Variants in INPP5A observed in about 807,000 individuals in gnomAD.
INPP5A encodes the protein 43 kDa inositol polyphosphate 5-phophatase.
A neutral mutation model predicts 65.2 loss-of-function variants in INPP5A; 14 were observed. That is an observed-to-expected ratio of 0.21 (90% CI 0.14 to 0.34). The LOEUF (loss-of-function observed/expected upper bound fraction) is 0.34, where lower values mean the gene tolerates loss of function less well. Ranked by LOEUF, INPP5A falls within the 10% of genes least tolerant of loss-of-function variation. The probability of loss-of-function intolerance (pLI) is 1.00; values close to 1 mark genes in which losing one functional copy is unlikely to be tolerated. For missense variants in INPP5A, 431 were observed against 545.6 expected (o/e 0.79, Z 2.09); for synonymous variants, 207 against 208.3 (o/e 0.99, Z 0.05).
intron 4 of INPP5A, among the ~76,000 whole-genome samples, chr10:132,660,083 G>A (rs1013506283): frequency 5.3e-5 from 8 of 152,228 alleles, no homozygotes; most frequent in African/African-American, 1.7e-4. Context: ...CTGCCAATGC[G>A]TGACACACGG....
intron 2 of INPP5A, among the ~76,000 whole-genome samples, chr10:132,613,042 A>G (rs887647921): frequency 1.3e-5 from 2 of 152,236 alleles, no homozygotes; most frequent in African/African-American, 4.8e-5. Flanking sequence ...CCAACTTGAC[A>G]GACCTCAGAT....
intron 12 of INPP5A, among the ~76,000 whole-genome samples, chr10:132,770,361 G>T (rs1006828526): frequency 5.9e-5 from 9 of 152,260 alleles, no homozygotes; most frequent in African/African-American, 1.9e-4. Flanking sequence ...TTTCCTCGCG[G>T]AGGCCGTGGT....
At position 132,683,072 on chromosome 10, in the gene INPP5A, G is replaced by A. The variant is rs141216358; in HGVS notation, c.307-7320G>A. Among the ~76,000 whole-genome samples, 361 of 139,578 alleles carry A rather than the reference G, an allele frequency of 2.6e-3. 4 individuals are homozygous for A. Among genetic ancestry groups the A allele is most frequent in the African/African-American group, 8.2e-3 (305 of 37,196 alleles). The allele number at this position is 139,578 out of a possible 152,430, so 91.6% of individuals were successfully genotyped here. ...ATCTGTGTATTATATACATATGTAC[G>A]CACATTTAATCCACGTGCACACGTG... On this transcript the variant is annotated intron_variant, in intron 4 of 15. Transcript: ENST00000368594.
At chr10:132,710,895 C>A (rs1248293853) in intron 8 of INPP5A, among the ~76,000 whole-genome samples, 1 of 152,076 alleles carries the variant, frequency 6.6e-6, no homozygotes, top group Admixed American at 6.5e-5. Flanking sequence ...GGTGTGTCCA[C>A]TCACCCTGTT....
Position 132,651,723 on chromosome 10 carries a change from C to T in INPP5A, c.306+1218C>T. The stretch of plus-strand genomic sequence containing the variant: ...TGCCCTGCAGGTGGGACTCTCATTG[C>T]TGTTTGGGTTCAAGGGCCATCTCAC... On this transcript the variant is annotated intron_variant, in intron 4 of 15. Transcript: ENST00000368594. This position sits in a 1 kb window ranked among gnomAD's most constrained non-coding sequence, Gnocchi z 5.0. Among the ~76,000 whole-genome samples the T allele has an allele frequency of 6.6e-6, 1 of 152,240 alleles. No individual in the cohort carries two copies. The highest frequency in any genetic ancestry group is 1.9e-4 in the East Asian group (1 of 5,198).
At chr10:132,729,775 C>T (rs553573237) in intron 9 of INPP5A, among the ~76,000 whole-genome samples, 1 of 152,332 alleles carries the variant, frequency 6.6e-6, no homozygotes, top group African/African-American at 2.4e-5. Flanking sequence ...TCCACGGCAG[C>T]CTTCATGCTT....
In INPP5A at chr10:132,691,186, C is replaced by T. The variant is rs146955137; in HGVS notation, c.370+731C>T. The stretch of plus-strand genomic sequence containing the variant: ...ACGGAGCGGCTCCTGTGAAATTGCG[C>T]GGTAGTCTTATCTCAGTTGCTTGAG... On this transcript the variant is annotated intron_variant, in intron 5 of 15. Coordinates refer to ENST00000368594, the MANE Select transcript of INPP5A (RefSeq NM_005539.5). Among the ~76,000 whole-genome samples, 433 of 152,248 alleles carry T rather than the reference C, an allele frequency of 2.8e-3. 3 individuals carry two copies. Among genetic ancestry groups the T allele is most frequent in the Middle Eastern group, 0.021 (6 of 292 alleles).
intron 1 of INPP5A, among the ~76,000 whole-genome samples, chr10:132,585,940 G>C (rs2071539891): frequency 1.3e-5 from 2 of 152,232 alleles, no homozygotes; most frequent in Non-Finnish European, 2.9e-5. Context: ...GGTGCTGTGT[G>C]TGTCTGGGCT....
chr10:132,688,826 G>GTA (rs1845199088), intron 4 of INPP5A, among the ~76,000 whole-genome samples: 1 of 440 alleles, frequency 2.3e-3, no homozygotes, highest in African/African-American at 8.3e-3. Context: ...GCATGACTGA[G>GTA]TGCAAGTGTA....
intron 4 of INPP5A, among the ~76,000 whole-genome samples, chr10:132,688,381 G>T (rs1845177519): frequency 6.6e-6 from 1 of 152,230 alleles, no homozygotes; most frequent in Non-Finnish European, 1.5e-5. Flanking sequence ...GGGAGCAGCA[G>T]TTCCCTGGGA....
intron 1 of INPP5A, among the ~76,000 whole-genome samples, chr10:132,572,847 G>C (rs2071363296): frequency 6.6e-6 from 1 of 152,216 alleles, no homozygotes; most frequent in Non-Finnish European, 1.5e-5. Context: ...TTGCTGAAAT[G>C]CAAGACCTGG....
intron 11 of INPP5A, among the ~76,000 whole-genome samples, chr10:132,757,395 A>C (rs576862206): frequency 2.6e-5 from 4 of 151,968 alleles, no homozygotes; most frequent in Non-Finnish European, 4.4e-5. Context: ...TTCCCTCTCT[A>C]CGTTTAGGTA....
At chr10:132,726,061 T>C (rs1019796575) in intron 8 of INPP5A, among the ~76,000 whole-genome samples, 47 of 151,754 alleles carry the variant, frequency 3.1e-4, no homozygotes, top group African/African-American at 1.0e-3. Context: ...TTTGAGTGAG[T>C]TGGCGGTTTC....
intron 2 of INPP5A, among the ~76,000 whole-genome samples, chr10:132,628,864 A>G (rs2072228746): frequency 6.6e-6 from 1 of 152,260 alleles, no homozygotes; most frequent in Non-Finnish European, 1.5e-5. Context: ...TTTAAAAAGC[A>G]AAAAGAAATA....
chr10:132,781,942 C>T lies in INPP5A; in HGVS notation c.*1C>T, dbSNP rs750531614. 9.3e-6 allele frequency: 15 copies of T among 1,613,414 alleles called. No homozygotes were observed. Among genetic ancestry groups the T allele is most frequent in the South Asian group, 8.8e-5 (8 of 91,082 alleles). On this transcript the variant is annotated 3_prime_UTR_variant, in exon 15 of 16. Transcript: ENST00000368594. The stretch of plus-strand genomic sequence containing the variant: ...GCACAAGTGTTGTGTCGTGCAGTGA[C>T]GTGGTGGTAAATATGACTCCTCCCT...
intron 9 of INPP5A, among the ~76,000 whole-genome samples, chr10:132,748,648 G>A (rs550445077): frequency 2.7e-4 from 41 of 152,306 alleles, no homozygotes; most frequent in African/African-American, 8.2e-4. Context: ...GTAATCCTTC[G>A]CGGTGATCTG....
intron 1 of INPP5A, among the ~76,000 whole-genome samples, chr10:132,563,027 T>A (rs2071225615): frequency 6.6e-6 from 1 of 152,136 alleles, no homozygotes; most frequent in Non-Finnish European, 1.5e-5. Flanking sequence ...GGTGCCCTCA[T>A]GGGCCAGAAC....
intron 4 of INPP5A, among the ~76,000 whole-genome samples, chr10:132,658,016 T>C (rs527366031): frequency 3.7e-4 from 57 of 152,258 alleles, no homozygotes; most frequent in Admixed American, 6.5e-4. Context: ...GGGGCTGCAG[T>C]GAAGGTGAAA....
At position 132,603,033 on chromosome 10, in the gene INPP5A, T is replaced by C. The variant is rs1248732327; in HGVS notation, c.76-4882T>C. On this transcript the variant is annotated intron_variant, in intron 1 of 15. Transcript: ENST00000368594. This position sits in a 1 kb window ranked among gnomAD's most constrained non-coding sequence, Gnocchi z 4.2. ...GTTTCTTTGTGGAATAAAGAAAGGA[T>C]CTAATATAGCATTTTAAAAGTAAAT... 6.6e-6 allele frequency among the ~76,000 whole-genome samples: 1 copy of C among 152,224 alleles called. No individual in the cohort carries two copies. Among genetic ancestry groups the C allele is most frequent in the Non-Finnish European group, 1.5e-5 (1 of 68,038 alleles).
Sources: gnomAD v4.1 joint callset for allele counts (sites outside exome capture counted in the v4.1 genomes callset) on GRCh38, gnomAD v4.1.1 for gene constraint, Gnocchi (gnomAD v3.1) non-coding constraint, MANE v1.5 for transcripts, NCBI Gene and HGNC (gene_info 2026-07-23, HGNC 2026-07-21) for gene names.